CTNNA2: variants seen among roughly 807,000 people sequenced by gnomAD.
CTNNA2 encodes the protein catenin alpha-2.
In CTNNA2, 42 loss-of-function variants were observed where a neutral mutation model predicts 101.0. The ratio of observed to expected loss-of-function variants is 0.42; its 90% CI spans 0.32 to 0.54. CTNNA2 has a LOEUF of 0.54. Among genes scored for constraint, CTNNA2 ranks in the 20% least tolerant of loss-of-function variants. The pLI, the probability that CTNNA2 is intolerant of heterozygous loss-of-function variation, is 0.14. For synonymous variants in CTNNA2, 450 were observed against 456.4 expected (o/e 0.99, Z 0.18); for missense variants, 871 against 1,223.1 (o/e 0.71, Z 4.29).
intron 2 of CTNNA2, chr2:79,697,749 A>C (rs1573713355): frequency 1.3e-5 from 2 of 152,176 alleles, no homozygotes; most frequent in South Asian, 4.1e-4. Flanking sequence ...TTGTTAAAAA[A>C]AATTAGTATT....
intron 12 of CTNNA2, among the ~76,000 whole-genome samples, chr2:80,569,715 T>TTG (rs1373283326): frequency 1.5e-5 from 2 of 136,556 alleles, no homozygotes; most frequent in East Asian, 4.9e-4. Flanking sequence ...CCACCTCGGC[T>TTG]CACTGCAAGC....
chr2:79,259,678 G>T (rs1674894808), intron 2 of CTNNA2, among the ~76,000 whole-genome samples: 1 of 152,178 alleles, frequency 6.6e-6, no homozygotes, highest in Non-Finnish European at 1.5e-5. Flanking sequence ...CTGTGAGAAG[G>T]CTGTGCAGGC....
chr2:79,828,746 CT>C (rs1411778989), intron 3 of CTNNA2, among the ~76,000 whole-genome samples: 1 of 152,212 alleles, frequency 6.6e-6, no homozygotes, highest in Non-Finnish European at 1.5e-5. Flanking sequence ...TCAATGCATG[CT>C]TCTTCAACTA....
intron 7 of CTNNA2, among the ~76,000 whole-genome samples, chr2:79,986,140 G>A (rs542340516): frequency 6.6e-6 from 1 of 152,108 alleles, no homozygotes; most frequent in Non-Finnish European, 1.5e-5. Context: ...GGGAGATGTT[G>A]GTAAAAATTG....
At chr2:79,410,409 G>A (rs1181733574) in intron 4 of CTNNA2, among the ~76,000 whole-genome samples, 2 of 150,572 alleles carry the variant, frequency 1.3e-5, no homozygotes, top group African/African-American at 2.4e-5. Flanking sequence ...TCCAGTTTTT[G>A]CCCATTCAGT....
intron 7 of CTNNA2, among the ~76,000 whole-genome samples, chr2:80,192,017 T>C (rs1049742244): frequency 6.6e-6 from 1 of 152,204 alleles, no homozygotes; most frequent in Non-Finnish European, 1.5e-5. Context: ...GGTCCTACCA[T>C]AATTCAAACT....
intron 2 of CTNNA2, among the ~76,000 whole-genome samples, chr2:79,704,802 G>C (rs6547264): frequency 0.73 from 110,826 of 151,986 alleles, 40,537 homozygotes; most frequent in East Asian, 0.93. Flanking sequence ...CTTTAAAATC[G>C]AAGAATCATA....
At chr2:79,420,867 C>G (rs977314437) in intron 4 of CTNNA2, among the ~76,000 whole-genome samples, 1 of 152,064 alleles carries the variant, frequency 6.6e-6, no homozygotes, top group Non-Finnish European at 1.5e-5. Flanking sequence ...GTGATACATT[C>G]CTCATAAGGT....
At chr2:80,371,275 G>A (rs1375535954) in intron 7 of CTNNA2, among the ~76,000 whole-genome samples, 1 of 152,120 alleles carries the variant, frequency 6.6e-6, no homozygotes, top group Non-Finnish European at 1.5e-5. Context: ...TCACATGATA[G>A]GCACTCAGAT....
intron 7 of CTNNA2, among the ~76,000 whole-genome samples, chr2:79,971,601 C>T (rs1411865537): frequency 1.3e-5 from 2 of 152,040 alleles, no homozygotes; most frequent in Non-Finnish European, 2.9e-5. Flanking sequence ...ATGGCTTTAA[C>T]GTATTGTCTT....
chr2:80,318,893 T>A (rs1026272121), intron 7 of CTNNA2, among the ~76,000 whole-genome samples: 8 of 152,206 alleles, frequency 5.3e-5, no homozygotes, highest in African/African-American at 1.9e-4. Context: ...TGCTACCCCT[T>A]ACACTAGACA....
At chr2:79,924,106 A>G (rs1476753570) in intron 7 of CTNNA2, among the ~76,000 whole-genome samples, 1 of 152,124 alleles carries the variant, frequency 6.6e-6, no homozygotes, top group Non-Finnish European at 1.5e-5. Flanking sequence ...AATGTGATGT[A>G]TACATACAAT....
chr2:79,964,081 C>T (rs1454598474), intron 7 of CTNNA2, among the ~76,000 whole-genome samples: 1 of 124,646 alleles, frequency 8.0e-6, no homozygotes, highest in Admixed American at 8.4e-5. Flanking sequence ...ACACATTCTG[C>T]AGACAGAGCA....
chr2:79,511,124 G>A (rs778870083), upstream of CTNNA2, among the ~76,000 whole-genome samples: 3 of 152,084 alleles, frequency 2.0e-5, no homozygotes, highest in Non-Finnish European at 2.9e-5. Context: ...CAATTCTTAC[G>A]TGCATGCTCT....
intron 4 of CTNNA2, among the ~76,000 whole-genome samples, chr2:79,412,373 C>A (rs1678424952): frequency 6.6e-6 from 1 of 151,998 alleles, no homozygotes; most frequent in Admixed American, 6.6e-5. Flanking sequence ...AGGAATTGAA[C>A]TCAGCTCTGC....
chr2:80,007,092 A>G (rs533492471), intron 7 of CTNNA2, among the ~76,000 whole-genome samples: 2 of 152,162 alleles, frequency 1.3e-5, no homozygotes, highest in Non-Finnish European at 2.9e-5. Flanking sequence ...AGCTAGAGCT[A>G]TTTGGAAGCC....
chr2:80,491,362 A>G (rs747921090), intron 9 of CTNNA2, among the ~76,000 whole-genome samples: 25 of 152,196 alleles, frequency 1.6e-4, no homozygotes, highest in Admixed American at 3.3e-4. Context: ...GGAGAACGGC[A>G]TGATCACCGT....
intron 7 of CTNNA2, among the ~76,000 whole-genome samples, chr2:79,962,648 T>C (rs1689724605): frequency 1.3e-5 from 2 of 152,100 alleles, no homozygotes; most frequent in African/African-American, 4.8e-5. Flanking sequence ...GAGGTTAGGA[T>C]GGGGGTCAAA....
At chr2:79,231,152 G>T (rs1377892331) in intron 2 of CTNNA2, among the ~76,000 whole-genome samples, 1 of 152,238 alleles carries the variant, frequency 6.6e-6, no homozygotes, top group East Asian at 1.9e-4. Flanking sequence ...CATGAGATTT[G>T]GGAGGGGCCA....
Sources: gnomAD v4.1 joint callset for allele counts (sites outside exome capture counted in the v4.1 genomes callset) on GRCh38, gnomAD v4.1.1 for gene constraint, MANE v1.5 for transcripts, NCBI Gene and HGNC (gene_info 2026-07-23, HGNC 2026-07-21) for gene names.